The following TET2 variants were observed in gnomAD, a reference collection of about 807,000 sequenced individuals.
The protein encoded by TET2 is methylcytosine dioxygenase TET2.
Under a neutral mutation model 142.9 loss-of-function variants are expected in TET2, and 299 were observed. The observed-to-expected ratio is 2.09, with a 90% CI of 1.90 to 2.30. The LOEUF (loss-of-function observed/expected upper bound fraction) is 2.30, where lower values mean the gene tolerates loss of function less well. Among genes scored for constraint, TET2 ranks in the 30% most tolerant of loss-of-function variants. The pLI is 0.00. For missense variants in TET2, 2,418 were observed against 2,378.0 expected, an observed-to-expected ratio of 1.02 and a Z score of -0.35; for synonymous variants, 819 against 849.0, an observed-to-expected ratio of 0.96 and a Z score of 0.61.
At chr4:105,215,418 A>AT (rs1397234578) in intron 2 of TET2, among the ~76,000 whole-genome samples, 1 of 152,168 alleles carries the variant, frequency 6.6e-6, no homozygotes, top group Non-Finnish European at 1.5e-5. Flanking sequence ...ACTTTGTGAC[A>AT]TTTGACTTAT....
Position 105,236,106 on chromosome 4 carries a change from A to C in TET2, c.2164A>C (p.Lys722Gln). 6.2e-7 allele frequency: 1 copy of C among 1,614,174 alleles called. No individual in the cohort carries two copies. The highest frequency in any genetic ancestry group is 8.5e-7 in the Non-Finnish European group (1 of 1,180,010). ...PFSNSHLLQH[K>Q]PHKQAAQTQP... Reference sequence around the variant, plus strand: ...TTCAAACTCACACCTTTTGCAACATAAGCCTCATAAACAGGCAGCACAAAC... The same window carrying C: ...TTCAAACTCACACCTTTTGCAACATCAGCCTCATAAACAGGCAGCACAAAC... Residue 722 changes from lysine (K) to glutamine (Q), a missense_variant, in exon 3 of 11, where the codon AAG becomes CAG. Transcript: ENST00000380013.
In TET2 at chr4:105,241,332, T is replaced by G; in HGVS notation, c.3410-7T>G. The G allele has an allele frequency of 6.5e-7, 1 of 1,541,194 alleles. No individual in the cohort carries two copies. Among genetic ancestry groups the G allele is most frequent in the Non-Finnish European group, 8.8e-7 (1 of 1,142,496 alleles). ...TCTAAAATAATAATCTTCTATTATC[T>G]CAACAGAGCAAATTATTGAAAAAGA... On this transcript the variant is annotated splice_polypyrimidine_tract_variant and splice_region_variant and intron_variant, in intron 3 of 10. Coordinates refer to ENST00000380013, the MANE Select transcript of TET2 (RefSeq NM_001127208.3).
In TET2 at chr4:105,276,837, A is replaced by ATC. The variant is rs1290595582; in HGVS notation, c.*319_*320dup. Reference sequence around the variant, plus strand: ...TTGGACGAGATGATATGTAAATGTGATCCCCCCCCCCCGCTTACAACTCTA... The same window carrying ATC: ...TTGGACGAGATGATATGTAAATGTGATCTCCCCCCCCCCCGCTTACAACTCTA... On this transcript the variant is annotated 3_prime_UTR_variant, in exon 11 of 11. Transcript: ENST00000380013. 865 of 161,548 alleles carry ATC rather than the reference A, an allele frequency of 5.4e-3. 45 individuals carry two copies. The highest frequency in any genetic ancestry group is 0.026 in the African/African-American group (577 of 21,894). The allele number at this position is 161,548 out of a possible 1,614,324, so 10.0% of individuals were successfully genotyped here.
rs2110255226 is a variant in TET2 at position 105,243,674 on chromosome 4, G to A, written c.3699G>A (p.Trp1233Ter). The change falls in exon 6 of 11, where the codon TGG (tryptophan) becomes TGA (stop). Residue 1233 changes from tryptophan (W) to a stop codon, truncating the protein, a stop_gained. Transcript: ENST00000380013. LOFTEE classifies it high-confidence loss of function. The stretch of plus-strand genomic sequence containing the variant: ...TGATTGTGATTCTCATCCTGGTGTG[G>A]GAAGGAATCCCGCTGTCTCTGGCTG... The part of the protein sequence containing the change: ...AAVIVILILV[W>*]EGIPLSLADK... 1 of 1,551,594 alleles carries A rather than the reference G, an allele frequency of 6.4e-7. No individual in the cohort carries two copies. Among genetic ancestry groups the A allele is most frequent in the Non-Finnish European group, 8.7e-7 (1 of 1,146,950 alleles).
chr4:105,238,541 T>C, intron 3 of TET2: 1 of 244,728 alleles, frequency 4.1e-6, no homozygotes, highest in Non-Finnish European at 8.6e-6. Flanking sequence ...ATTGGAAGTA[T>C]ATTCCATCTC....
intron 2 of TET2, among the ~76,000 whole-genome samples, chr4:105,198,277 A>G (rs1051978313): frequency 6.6e-6 from 1 of 152,172 alleles, no homozygotes; most frequent in African/African-American, 2.4e-5. Flanking sequence ...TGGAGGTTGC[A>G]GTGAGCCGAG....
chr4:105,149,210 A>G (rs759159314), intron 1 of TET2, among the ~76,000 whole-genome samples: 4 of 152,180 alleles, frequency 2.6e-5, no homozygotes, highest in Non-Finnish European at 4.4e-5. Context: ...ATGTTGTGGT[A>G]TATACTGTCT....
At chr4:105,261,700 CTT>C in intron 7 of TET2, 57 bp from the exon 8 acceptor site, 1 of 1,090,964 alleles carries the variant, frequency 9.2e-7, no homozygotes, top group Non-Finnish European at 1.4e-6. Flanking sequence ...CTGATAGTCT[CTT>C]TTACATAGAG....
intron 1 of TET2, among the ~76,000 whole-genome samples, chr4:105,160,691 T>A (rs1330071809): frequency 2.0e-5 from 3 of 152,214 alleles, no homozygotes; most frequent in Non-Finnish European, 4.4e-5. Flanking sequence ...ATAAGTGAAA[T>A]ATGTATTTTT....
rs531417844 is a variant in TET2 at position 105,243,647 on chromosome 4, A to G, written c.3672A>G (p.Ala1224=). 17 of 1,551,606 alleles carry G rather than the reference A, an allele frequency of 1.1e-5. No individual in the cohort carries two copies. The highest frequency in any genetic ancestry group is 1.5e-5 in the Non-Finnish European group (17 of 1,146,946). ...GAGCTGGCCACACCTGTGAGGCTGC[A>G]GTGATTGTGATTCTCATCCTGGTGT... The part of the protein sequence containing the change: ...RERAGHTCEA[A]VIVILILVWE... The change falls in exon 6 of 11, where the codon GCA becomes GCG. Residue 1224 remains alanine, a synonymous_variant. Coordinates refer to ENST00000380013, the MANE Select transcript of TET2 (RefSeq NM_001127208.3).
At chr4:105,223,047 A>G (rs1003175590) in intron 2 of TET2, among the ~76,000 whole-genome samples, 62 of 152,112 alleles carry the variant, frequency 4.1e-4, no homozygotes, top group Non-Finnish European at 8.8e-5. Flanking sequence ...CTTATTTCTG[A>G]GGGCTCTGTT....
intron 1 of TET2, among the ~76,000 whole-genome samples, chr4:105,188,186 T>C (rs989625637): frequency 2.0e-5 from 3 of 152,174 alleles, no homozygotes; most frequent in African/African-American, 7.2e-5. Context: ...TTATTCAACC[T>C]TAAAGAGGAA....
chr4:105,275,367 T>A lies in TET2; in HGVS notation c.4857T>A (p.Pro1619=), dbSNP rs1424321064. ...LNSSNPMNPY[P]GLLNQNTQYP... The stretch of plus-strand genomic sequence containing the variant: ...CTTCTAATCCCATGAACCCTTACCC[T>A]GGGCTTTTGAATCAGAATACCCAAT... Residue 1619 remains proline, a synonymous_variant, in exon 11 of 11, where the codon CCT becomes CCA. Coordinates refer to ENST00000380013, the MANE Select transcript of TET2 (RefSeq NM_001127208.3). 3.2e-6 allele frequency: 5 copies of A among 1,551,682 alleles called. No homozygotes were observed. Among genetic ancestry groups the A allele is most frequent in the Non-Finnish European group, 4.4e-6 (5 of 1,146,972 alleles).
chr4:105,242,067 GTTC>G (rs139403183), intron 4 of TET2: 20,764 of 1,224,420 alleles, frequency 0.017, 221 homozygotes, highest in Middle Eastern at 0.028. Context: ...GCTCTGAGCT[GTTC>G]TTCTTCTAGG....
At chr4:105,251,681 ATCTTTAGT>A (rs750424262) in intron 6 of TET2, among the ~76,000 whole-genome samples, 28 of 152,030 alleles carry the variant, frequency 1.8e-4, no homozygotes, top group Non-Finnish European at 3.5e-4. Flanking sequence ...AGGTATACTG[ATCTTTAGT>A]TCTCTTGTGA....
intron 1 of TET2, among the ~76,000 whole-genome samples, chr4:105,183,670 T>C (rs533875538): frequency 5.3e-4 from 80 of 152,264 alleles, no homozygotes; most frequent in African/African-American, 1.9e-3. Flanking sequence ...CCTACCCCCT[T>C]AGTTTGCCTG....
intron 7 of TET2, 21 bp downstream of exon 7, chr4:105,259,790 A>G (rs1357351423): frequency 4.5e-6 from 7 of 1,544,646 alleles, no homozygotes; most frequent in African/African-American, 2.8e-5. Context: ...TTCCTGATGT[A>G]TAATCGCTTT....
intron 9 of TET2, 112 bp downstream of exon 9, chr4:105,269,859 A>G (rs1730867780): frequency 3.1e-6 from 4 of 1,301,022 alleles, no homozygotes; most frequent in Non-Finnish European, 2.1e-6. Flanking sequence ...ATTGACTCAC[A>G]GTTCCACATG....
chr4:105,262,168 A>G (rs1016992652), intron 8 of TET2, among the ~76,000 whole-genome samples: 2 of 152,186 alleles, frequency 1.3e-5, no homozygotes, highest in Admixed American at 6.5e-5. Flanking sequence ...GGCCCAAGCT[A>G]TAGGTTCTAA....
Sources: gnomAD v4.1 joint callset for allele counts (sites outside exome capture counted in the v4.1 genomes callset) on GRCh38, gnomAD v4.1.1 for gene constraint, MANE v1.5 for transcripts, NCBI Gene and HGNC (gene_info 2026-07-23, HGNC 2026-07-21) for gene names.